CCT5: variants seen among roughly 807,000 people sequenced by gnomAD.
The protein encoded by CCT5 is T-complex protein 1 subunit epsilon.
A neutral mutation model predicts 55.0 loss-of-function variants in CCT5; 6 were observed. That is an observed-to-expected ratio of 0.11 (90% confidence interval 0.06 to 0.22). The LOEUF is 0.22. CCT5 is among the 10% of genes least tolerant of loss of function. CCT5 has a pLI of 1.00. For synonymous variants in CCT5, 231 were observed against 243.7 expected (o/e 0.95, Z 0.49); for missense variants, 560 against 694.6 (o/e 0.81, Z 2.18).
intron 4 of CCT5, among the ~76,000 whole-genome samples, chr5:10,256,661 T>G (rs1745696542): frequency 7.0e-6 from 1 of 143,286 alleles, no homozygotes; most frequent in Admixed American, 7.4e-5. Flanking sequence ...CACTCCAGCT[T>G]GAGCAACAGA....
At chr5:10,254,475 TTAA>T (rs1312143678) in intron 2 of CCT5, 196 bp from the exon 3 acceptor site, 3 of 633,206 alleles carry the variant, frequency 4.7e-6, no homozygotes, top group African/African-American at 3.7e-5. Context: ...AACATTATAC[TTAA>T]TGATGCTCCA....
Position 10,262,618 on chromosome 5 carries a change from G to A in CCT5, c.1317G>A (p.Lys439=). The change falls in exon 9 of 11, where the codon AAG becomes AAA. Residue 439 remains lysine (K), a splice_region_variant and synonymous_variant. Transcript: ENST00000280326. ...TGGCAGTTAGCCAAGAGGCGGATAAGGTAAGGGATCTGTGCAGACTTAGTG... is the reference window on the plus strand; with the variant it reads ...TGGCAGTTAGCCAAGAGGCGGATAAAGTAAGGGATCTGTGCAGACTTAGTG... The part of the protein sequence containing the change: ...CALAVSQEAD[K]CPTLEQYAMR... 6.2e-7 allele frequency: 1 copy of A among 1,614,236 alleles called. No individual in the cohort carries two copies.
At chr5:10,263,096 T>G in intron 9 of CCT5, 38 bp from the exon 10 acceptor site, 1 of 1,594,448 alleles carries the variant, frequency 6.3e-7, no homozygotes, top group Non-Finnish European at 8.6e-7. Context: ...TTGTTTTGTT[T>G]CGCCAAGTGC....
rs746462495 is a variant in CCT5 at position 10,260,877 on chromosome 5, C to G, written c.959C>G (p.Pro320Arg). The G allele has an allele frequency of 6.2e-7, 1 of 1,614,050 alleles. No individual in the cohort carries two copies. The highest frequency in any genetic ancestry group is 1.7e-5 in the Admixed American group (1 of 59,996). ...CACTTACTTCTTCAGAACAACTTGC[C>G]TGCGGTTCGCTGGGTAGGAGGACCT... ...ANHLLLQNNL[P>R]AVRWVGGPEI... Residue 320 changes from proline (P) to arginine (R), a missense_variant, in exon 7 of 11, where the codon CCT becomes CGT. By Grantham distance (103) the Pro-to-Arg change is moderately radical (BLOSUM62 -2). This residue lies in a region of CCT5 where 256 missense variants were observed against 372.4 expected (regional missense o/e 0.69). Transcript: ENST00000280326.
intron 2 of CCT5, 130 bp downstream of exon 2, chr5:10,254,335 T>C: frequency 1.4e-6 from 1 of 725,204 alleles, no homozygotes. Context: ...CAAAATTTTT[T>C]AGTGTATTTC....
rs1298787727 is a variant in CCT5, at chr5:10,262,614, A to G, written c.1313A>G (p.Asp438Gly). The G allele has an allele frequency of 6.2e-7, 1 of 1,614,246 alleles. No individual in the cohort carries two copies. Among genetic ancestry groups the G allele is most frequent in the Non-Finnish European group, 8.5e-7 (1 of 1,180,034 alleles). ...GCCCTGGCAGTTAGCCAAGAGGCGG[A>G]TAAGGTAAGGGATCTGTGCAGACTT... ...SCALAVSQEA[D>G]KCPTLEQYAM... is the part of the protein sequence containing the mutation. The change falls in exon 9 of 11, where the codon GAT becomes GGT. Residue 438 changes from aspartate to glycine, a missense_variant. Asp to Gly is a moderately conservative substitution (Grantham distance 94). Around this residue, in one of 4 missense-constraint regions of CCT5, gnomAD observed 256 missense variants for 372.4 expected, o/e 0.69. Transcript: ENST00000280326.
upstream of CCT5, chr5:10,250,225 G>A: frequency 6.4e-7 from 1 of 1,565,938 alleles, no homozygotes; most frequent in Admixed American, 1.9e-5. Flanking sequence ...CATAAGTCCC[G>A]CGCGTCTTGT....
At position 10,258,218 on chromosome 5, in the gene CCT5, G is replaced by A. The variant is rs764583584; in HGVS notation, c.638G>A (p.Gly213Asp). Residue 213 changes from glycine to aspartate, a missense_variant, in exon 5 of 11, where the codon GGC becomes GAC. Physicochemically the swap from Gly to Asp is moderately conservative, Grantham distance 94. This residue lies in a region of CCT5 where 256 missense variants were observed against 372.4 expected (regional missense o/e 0.69). Transcript: ENST00000280326. ...GACTTTGAGCTTATCAAAGTAGAAG[G>A]CAAAGTGGGCGGCAGGCTGGAGGAC... is the stretch of plus-strand genomic sequence containing the variant. The part of the protein sequence containing the change: ...DVDFELIKVE[G>D]KVGGRLEDTK... The A allele has an allele frequency of 6.8e-6, 11 of 1,614,218 alleles. No individual in the cohort carries two copies. In the Admixed American group the frequency reaches 1.7e-4, roughly 24 times the overall value.
rs1277979024 is a variant in CCT5, at chr5:10,264,760, A to C, written c.1603A>C (p.Lys535Gln). The C allele has an allele frequency of 3.7e-6, 6 of 1,610,282 alleles. No homozygotes were observed. The highest frequency in any genetic ancestry group is 1.6e-4 in the Middle Eastern group (1 of 6,080). Residue 535 changes from lysine (K) to glutamine (Q), a missense_variant, in exon 11 of 11, where the codon AAG becomes CAG. This residue lies in a region of CCT5 where 115 missense variants were observed against 105.0 expected (regional missense o/e 1.10). Coordinates refer to ENST00000280326, the MANE Select transcript of CCT5 (RefSeq NM_012073.5). ...GATTTTGAAGATTGATGACATTCGTAAGCCTGGAGAATCTGAAGAATGAAG... is the reference window on the plus strand; with the variant it reads ...GATTTTGAAGATTGATGACATTCGTCAGCCTGGAGAATCTGAAGAATGAAG... ...RMILKIDDIR[K>Q]PGESEE
intron 1 of CCT5, among the ~76,000 whole-genome samples, chr5:10,253,628 A>G (rs1439728225): frequency 6.6e-6 from 1 of 152,186 alleles, no homozygotes; most frequent in Admixed American, 6.5e-5. Context: ...GTTTCTCATG[A>G]GTACAGGCCC....
chr5:10,262,134 A>G, intron 8 of CCT5: 1 of 398,924 alleles, frequency 2.5e-6, no homozygotes, highest in South Asian at 2.2e-5. Flanking sequence ...AGGATGACTT[A>G]CATCTGTCCC....
rs568127281 is a variant in CCT5, at chr5:10,256,297, A to G, written c.530+144A>G. On this transcript the variant is annotated intron_variant, in intron 4 of 10. Coordinates refer to ENST00000280326, the MANE Select transcript of CCT5 (RefSeq NM_012073.5). ...GATTACTTGGTTTTGCTTTGTTTTT[A>G]ATGTAGATGTAGACAGATGCATTTT... The G allele has an allele frequency of 1.8e-4, 136 of 767,884 alleles. 1 individual carries two copies. The South Asian group carries it at 2.0e-3, about 11-fold the overall frequency. The allele number at this position is 767,884 out of a possible 1,614,324, so 47.6% of individuals were successfully genotyped here.
chr5:10,252,095 A>G (rs1162283055), intron 1 of CCT5, among the ~76,000 whole-genome samples: 2 of 152,246 alleles, frequency 1.3e-5, no homozygotes, highest in African/African-American at 4.8e-5. Context: ...AGTTTGGCAT[A>G]TTGACATTCG....
intron 1 of CCT5, among the ~76,000 whole-genome samples, chr5:10,251,095 G>A (rs1745378359): frequency 6.6e-6 from 1 of 152,208 alleles, no homozygotes; most frequent in Non-Finnish European, 1.5e-5. Context: ...ATTCTAGGGA[G>A]AGGAAACGGT....
At chr5:10,258,829 T>C (rs1245059893) in intron 6 of CCT5, among the ~76,000 whole-genome samples, 4 of 152,114 alleles carry the variant, frequency 2.6e-5, no homozygotes, top group Non-Finnish European at 5.9e-5. Flanking sequence ...CCATTTCTAC[T>C]AAAAACACAA....
chr5:10,252,773 C>T (rs971194720), intron 1 of CCT5, among the ~76,000 whole-genome samples: 1 of 152,162 alleles, frequency 6.6e-6, no homozygotes, highest in East Asian at 1.9e-4. Context: ...TGATACTCTT[C>T]CCTCTGGAAA....
chr5:10,251,492 C>T (rs998276214), intron 1 of CCT5, among the ~76,000 whole-genome samples: 1 of 152,068 alleles, frequency 6.6e-6, no homozygotes, highest in Non-Finnish European at 1.5e-5. Context: ...CATAATAGAC[C>T]ATTCCACTAG....
chr5:10,261,725 A>C lies in CCT5; in HGVS notation c.1159A>C (p.Ile387Leu), dbSNP rs946603531. 6.2e-7 allele frequency: 1 copy of C among 1,613,820 alleles called. No individual in the cohort carries two copies. Among genetic ancestry groups the C allele is most frequent in the Admixed American group, 1.7e-5 (1 of 60,000 alleles). ...GAACTCCAGAGCTGTAACCATTTTT[A>C]TTAGAGGAGGAAATAAGATGGTGAG... ...CKNSRAVTIF[I>L]RGGNKMIIEE... The change falls in exon 8 of 11, where the codon ATT becomes CTT. Residue 387 changes from isoleucine to leucine, a missense_variant. Physicochemically the swap from Ile to Leu is conservative, Grantham distance 5 (BLOSUM62 2). Transcript: ENST00000280326.
intron 3 of CCT5, 136 bp from the exon 4 acceptor site, chr5:10,255,819 C>A: frequency 1.3e-6 from 1 of 769,084 alleles, no homozygotes. Flanking sequence ...AAATAGAGGG[C>A]TTCTGCCTCT....
Sources: gnomAD v4.1 joint callset for allele counts (sites outside exome capture counted in the v4.1 genomes callset) on GRCh38, gnomAD v4.1.1 for gene constraint, gnomAD v4.1.1 regional missense constraint, MANE v1.5 for transcripts, NCBI Gene and HGNC (gene_info 2026-07-23, HGNC 2026-07-21) for gene names.